RNF144A: variants seen among roughly 807,000 people sequenced by gnomAD.
The protein encoded by RNF144A is E3 ubiquitin-protein ligase RNF144A.
RNF144A carries 11 observed loss-of-function variants against 38.7 expected under a neutral mutation model. The ratio of observed to expected loss-of-function variants is 0.28; its 90% CI spans 0.18 to 0.47. The LOEUF is 0.47. Among genes scored for constraint, RNF144A ranks in the 20% least tolerant of loss-of-function variants. RNF144A has a pLI of 0.99. For missense variants in RNF144A, 316 were observed against 377.2 expected, an observed-to-expected ratio of 0.84 and a Z score of 1.34; for synonymous variants, 149 against 143.9, an observed-to-expected ratio of 1.04 and a Z score of -0.25.
chr2:7,049,011 A>G (rs1673415510), downstream of RNF144A, among the ~76,000 whole-genome samples: 1 of 152,206 alleles, frequency 6.6e-6, no homozygotes. Context: ...GGTGGGATTT[A>G]CAGTGTAGAC....
chr2:7,058,885 A>G (rs1324670972), intron 6 of RNF144A, among the ~76,000 whole-genome samples: 1 of 152,060 alleles, frequency 6.6e-6, no homozygotes, highest in African/African-American at 2.4e-5. Flanking sequence ...GTATACCTGT[A>G]TGCTGTGATA....
chr2:6,940,766 AT>A (rs148109575), intron 1 of RNF144A, among the ~76,000 whole-genome samples, 181 bp from the exon 2 acceptor site: 73 of 151,464 alleles, frequency 4.8e-4, no homozygotes, highest in Admixed American at 1.3e-3. Flanking sequence ...TTCTTGGTGG[AT>A]TTTTTTTTAA....
chr2:7,024,346 T>C (rs1464403829), intron 6 of RNF144A, 23 bp from the exon 7 acceptor site: 1 of 1,583,540 alleles, frequency 6.3e-7, no homozygotes, highest in Non-Finnish European at 8.7e-7. Flanking sequence ...TTGTGCAGAG[T>C]CCTCACGGCG....
rs1666215580 is a variant in RNF144A at position 6,944,588 on chromosome 2, T to C, written c.-12+3441T>C. Among the ~76,000 whole-genome samples, 1 of 152,198 alleles carries C rather than the reference T, an allele frequency of 6.6e-6. No homozygotes were observed. The highest frequency in any genetic ancestry group is 2.4e-5 in the African/African-American group (1 of 41,462). The stretch of plus-strand genomic sequence containing the variant: ...TAAGTGCATTCTAATTTTATGTTTA[T>C]TTTTTAATCTTAACTTTAACATATT... On this transcript the variant is annotated intron_variant, in intron 2 of 8. Coordinates refer to ENST00000320892, the MANE Select transcript of RNF144A (RefSeq NM_014746.6). The surrounding 1 kb of genome is among the most constrained non-coding windows in gnomAD (Gnocchi z 4.7).
chr2:7,000,566 C>T (rs1378536349), intron 3 of RNF144A, among the ~76,000 whole-genome samples: 1 of 152,156 alleles, frequency 6.6e-6, no homozygotes, highest in Admixed American at 6.5e-5. Context: ...TTGACAGTTA[C>T]ACTGAGAATG....
intron 1 of RNF144A, among the ~76,000 whole-genome samples, chr2:6,930,539 TATAG>T (rs1297143797): frequency 1.3e-5 from 2 of 151,994 alleles, no homozygotes; most frequent in African/African-American, 2.4e-5. Context: ...ATATAATATA[TATAG>T]ATACACACAC....
chr2:7,050,676 A>G (rs1175363220), intron 6 of RNF144A, among the ~76,000 whole-genome samples: 1 of 152,200 alleles, frequency 6.6e-6, no homozygotes, highest in African/African-American at 2.4e-5. Context: ...ACCGTTGCCT[A>G]TATTTCAGTA....
At chr2:6,985,309 G>A (rs1189369464) in intron 2 of RNF144A, among the ~76,000 whole-genome samples, 1 of 122,260 alleles carries the variant, frequency 8.2e-6, no homozygotes, top group Non-Finnish European at 1.6e-5. Flanking sequence ...TGAGAAGATC[G>A]TTAAAGGCAG....
chr2:6,995,752 G>A (rs1229926918), intron 2 of RNF144A, among the ~76,000 whole-genome samples: 1 of 152,154 alleles, frequency 6.6e-6, no homozygotes, highest in Non-Finnish European at 1.5e-5. Flanking sequence ...GCTGAGGGTG[G>A]GTCGGCCTCT....
Position 7,001,609 on chromosome 2 carries a change from C to A in RNF144A, c.135+4548C>A, listed in dbSNP as rs1311895145. On this transcript the variant is annotated intron_variant, in intron 3 of 8. Transcript: ENST00000320892. ...GGAAGACTGCTTGAGCCCAGGAGGTCGAGGCCGCAGTGAGCCATGATTACA... is the reference window on the plus strand; with the variant it reads ...GGAAGACTGCTTGAGCCCAGGAGGTAGAGGCCGCAGTGAGCCATGATTACA... 1.3e-5 allele frequency among the ~76,000 whole-genome samples: 2 copies of A among 151,706 alleles called. 1 individual carries two copies. Among genetic ancestry groups the A allele is most frequent in the African/African-American group, 4.8e-5 (2 of 41,244 alleles).
At chr2:7,008,162 T>A (rs1670568499) in intron 3 of RNF144A, among the ~76,000 whole-genome samples, 1 of 152,238 alleles carries the variant, frequency 6.6e-6, no homozygotes. Context: ...GGGCTCAGTC[T>A]TCAGAGCCTA....
intron 8 of RNF144A, among the ~76,000 whole-genome samples, chr2:7,036,372 A>G (rs1672676431): frequency 6.6e-6 from 1 of 152,210 alleles, no homozygotes; most frequent in South Asian, 2.1e-4. Context: ...TACGAAAGCC[A>G]GCTGATTACT....
chr2:7,054,184 C>T (rs1453382957), intron 6 of RNF144A, among the ~76,000 whole-genome samples: 2 of 152,164 alleles, frequency 1.3e-5, no homozygotes, highest in African/African-American at 4.8e-5. Flanking sequence ...TGTGAGAAAG[C>T]AGCTGATGAG....
intron 2 of RNF144A, among the ~76,000 whole-genome samples, chr2:6,988,070 G>A (rs1479742795): frequency 2.0e-5 from 3 of 152,110 alleles, no homozygotes; most frequent in South Asian, 2.1e-4. Context: ...CAGATTTTTC[G>A]TGTCAAAGTG....
At chr2:7,064,814 G>T (rs955077910) in intron 6 of RNF144A, among the ~76,000 whole-genome samples, 2 of 152,198 alleles carry the variant, frequency 1.3e-5, no homozygotes, top group African/African-American at 4.8e-5. Context: ...AATTGTAATT[G>T]AGGATGAAAG....
chr2:6,919,862 G>A (rs1664419620), intron 1 of RNF144A, among the ~76,000 whole-genome samples: 1 of 152,242 alleles, frequency 6.6e-6, no homozygotes, highest in Admixed American at 6.5e-5. Flanking sequence ...AATGCACGAT[G>A]CAGGCACCCC....
At chr2:6,926,350 G>T (rs905305430) in intron 1 of RNF144A, among the ~76,000 whole-genome samples, 2 of 152,260 alleles carry the variant, frequency 1.3e-5, no homozygotes, top group Non-Finnish European at 2.9e-5. Flanking sequence ...GAAAGAGAAG[G>T]AGAGAAAATG....
In RNF144A at chr2:7,044,119, C is replaced by T. The variant is rs993740609; in HGVS notation, c.*4359C>T. ...ATTGTGTCTTACGTAGTTTGTCCCC[C>T]CCTTTAGCAGGGATTCCTTTTTAAA... On this transcript the variant is annotated 3_prime_UTR_variant, in exon 9 of 9. Coordinates refer to ENST00000320892, the MANE Select transcript of RNF144A (RefSeq NM_014746.6). 12 of 985,764 alleles carry T rather than the reference C, an allele frequency of 1.2e-5. No homozygotes were observed. The highest frequency in any genetic ancestry group is 1.4e-5 in the Non-Finnish European group (12 of 829,910). The allele number at this position is 985,764 out of a possible 1,614,324, so 61.1% of individuals were successfully genotyped here. A position where few individuals can be genotyped will look rare whatever the true frequency, so the allele number is the denominator to read the frequency against.
At chr2:7,018,007 C>A (rs1483806708) in intron 5 of RNF144A, among the ~76,000 whole-genome samples, 2 of 152,210 alleles carry the variant, frequency 1.3e-5, no homozygotes, top group Non-Finnish European at 1.5e-5. Context: ...TGTGTGCTAT[C>A]CTGGGGGGCC....
Sources: gnomAD v4.1 joint callset for allele counts (sites outside exome capture counted in the v4.1 genomes callset) on GRCh38, gnomAD v4.1.1 for gene constraint, Gnocchi (gnomAD v3.1) non-coding constraint, MANE v1.5 for transcripts, NCBI Gene and HGNC (gene_info 2026-07-23, HGNC 2026-07-21) for gene names.